Variants in ADGRV1 observed in about 807,000 individuals in gnomAD.
The protein encoded by ADGRV1 is G-protein coupled receptor 98.
A neutral mutation model predicts 596.2 loss-of-function variants in ADGRV1; 359 were observed. The ratio of observed to expected loss-of-function variants is 0.60; its 90% CI spans 0.55 to 0.66. ADGRV1 has a LOEUF of 0.66. ADGRV1 is among the 30% of genes least tolerant of loss of function. The pLI is 0.00. For synonymous variants in ADGRV1, 2,681 were observed against 2,679.2 expected, an observed-to-expected ratio of 1.00 and a Z score of -0.02; for missense variants, 7,274 against 7,575.6, an observed-to-expected ratio of 0.96 and a Z score of 1.48.
Position 90,750,064 on chromosome 5 carries a change from C to CA in ADGRV1, c.10975-486dup, listed in dbSNP as rs547297751. Among the ~76,000 whole-genome samples, 1,057 of 152,222 alleles carry CA rather than the reference C, an allele frequency of 6.9e-3. 9 individuals are homozygous for CA. The highest frequency in any genetic ancestry group is 0.017 in the Middle Eastern group (5 of 294). On this transcript the variant is annotated intron_variant, in intron 52 of 89. Coordinates refer to ENST00000405460, the MANE Select transcript of ADGRV1 (RefSeq NM_032119.4). ...CTCTAATTCTCATGACATCGTTGTG[C>CA]ATGGATGGGATGTTGGAAACCATAT...
intron 85 of ADGRV1, among the ~76,000 whole-genome samples, chr5:91,066,049 G>A (rs1787857844): frequency 6.6e-6 from 1 of 152,178 alleles, no homozygotes; most frequent in Non-Finnish European, 1.5e-5. Context: ...TGGTTGAGCT[G>A]CAATTACAGA....
In ADGRV1 at chr5:91,068,830, C is replaced by A. The variant is rs557652743; in HGVS notation, c.18153-3617C>A. ...AAAAAAAAAAAAATAGCCTGAATAG[C>A]CAAAGAAATCCTAAGCAAAAAGAAC... On this transcript the variant is annotated intron_variant, in intron 85 of 89. Coordinates refer to ENST00000405460, the MANE Select transcript of ADGRV1 (RefSeq NM_032119.4). Among the ~76,000 whole-genome samples the A allele has an allele frequency of 1.8e-4, 28 of 151,886 alleles. No individual in the cohort carries two copies. In the South Asian group the frequency reaches 5.8e-3, roughly 32 times the overall value.
At chr5:90,843,769 A>G (rs1432688560) in intron 78 of ADGRV1, among the ~76,000 whole-genome samples, 3 of 152,202 alleles carry the variant, frequency 2.0e-5, no homozygotes, top group Non-Finnish European at 4.4e-5. Context: ...TGTGATGAGA[A>G]TGTTTATTTC....
intron 50 of ADGRV1, among the ~76,000 whole-genome samples, chr5:90,740,864 TG>T (rs1241443978): frequency 6.6e-6 from 1 of 152,146 alleles, no homozygotes; most frequent in Non-Finnish European, 1.5e-5. Context: ...TGTGCTGGCT[TG>T]GGGGAGGGGC....
chr5:90,690,093 A>G lies in ADGRV1; in HGVS notation c.6706+17A>G, dbSNP rs770729264. 3.6e-6 allele frequency: 5 copies of G among 1,381,938 alleles called. No homozygotes were observed. Among genetic ancestry groups the G allele is most frequent in the Non-Finnish European group, 5.0e-6 (5 of 990,870 alleles). The allele number at this position is 1,381,938 out of a possible 1,614,324, so 85.6% of individuals were successfully genotyped here. A position where few individuals can be genotyped will look rare whatever the true frequency, so the allele number is the denominator to read the frequency against. On this transcript the variant is annotated intron_variant, in intron 30 of 89. Transcript: ENST00000405460. The stretch of plus-strand genomic sequence containing the variant: ...GATTATTTGGTATGAAGACTAATTT[A>G]TGTCTCTCTTTGACTTGTCTGCATG...
Position 90,619,139 on chromosome 5 carries a change from AT to A in ADGRV1, c.413del (p.Leu138TyrfsTer20). Reference protein sequence around the residue: ...GWPRTVTVTILSNDNAFGIIS... With the variant: ...GWPRTVTVTIXSNDNAFGIIS... ...GGCCAAGGACTGTTACTGTGACAAT[AT>A]TATCAAATGACAATGCATTTGGAAT... On this transcript the variant is annotated frameshift_variant, in exon 4 of 90. Coordinates refer to ENST00000405460, the MANE Select transcript of ADGRV1 (RefSeq NM_032119.4). LOFTEE classifies it high-confidence loss of function. 1 of 1,507,202 alleles carries A rather than the reference AT, an allele frequency of 6.6e-7. No homozygotes were observed. Among genetic ancestry groups the A allele is most frequent in the Non-Finnish European group, 8.9e-7 (1 of 1,123,558 alleles). The allele number at this position is 1,507,202 out of a possible 1,614,324, so 93.4% of individuals were successfully genotyped here.
At chr5:90,827,516 A>G (rs1764168649) in intron 76 of ADGRV1, among the ~76,000 whole-genome samples, 1 of 152,162 alleles carries the variant, frequency 6.6e-6, no homozygotes, top group Non-Finnish European at 1.5e-5. Flanking sequence ...AAAAAGGAAT[A>G]TTTTTCTAGA....
At chr5:90,686,051 C>A in intron 29 of ADGRV1, 56 bp downstream of exon 29, 3 of 1,096,080 alleles carry the variant, frequency 2.7e-6, no homozygotes, top group Non-Finnish European at 3.7e-6. Context: ...CACAGAGGGA[C>A]ATGTATCCTT....
In ADGRV1 at chr5:90,596,029, C is replaced by A. The variant is rs368522492; in HGVS notation, c.23-18806C>A. On this transcript the variant is annotated intron_variant, in intron 1 of 89. Coordinates refer to ENST00000405460, the MANE Select transcript of ADGRV1 (RefSeq NM_032119.4). ...CCGGGCGGAGAGGCTCCTCACTTCT[C>A]ATACGGGGTGGCTGCCGGGCGGAGG... 2.3e-4 allele frequency among the ~76,000 whole-genome samples: 34 copies of A among 148,138 alleles called. 1 individual carries two copies. The South Asian group carries it at 7.1e-3, about 31-fold the overall frequency.
At chr5:91,087,211 T>C (rs1789951790) in intron 86 of ADGRV1, among the ~76,000 whole-genome samples, 1 of 152,234 alleles carries the variant, frequency 6.6e-6, no homozygotes, top group Non-Finnish European at 1.5e-5. Context: ...AAATCTCTCT[T>C]ATAATACTTA....
chr5:91,039,011 T>C (rs1785122768), intron 85 of ADGRV1, among the ~76,000 whole-genome samples: 1 of 152,164 alleles, frequency 6.6e-6, no homozygotes, highest in Non-Finnish European at 1.5e-5. Context: ...CTGAGAAAAG[T>C]ATGCTCTTAC....
chr5:90,796,410 A>T (rs1211734659), intron 70 of ADGRV1, among the ~76,000 whole-genome samples: 1 of 151,540 alleles, frequency 6.6e-6, no homozygotes, highest in Non-Finnish European at 1.5e-5. Context: ...AAGTAAAGCA[A>T]GAAGACGAGA....
In ADGRV1 at chr5:90,716,700, A is replaced by G; in HGVS notation, c.9418A>G (p.Ile3140Val). 1.9e-6 allele frequency: 3 copies of G among 1,612,764 alleles called. No individual in the cohort carries two copies. The highest frequency in any genetic ancestry group is 2.5e-6 in the Non-Finnish European group (3 of 1,178,828). The change falls in exon 43 of 90, where the codon ATT becomes GTT. Residue 3140 changes from isoleucine (I) to valine (V), a missense_variant. Physicochemically the swap from Ile to Val is conservative, Grantham distance 29 (BLOSUM62 3). Around this residue, in one of 5 missense-constraint regions of ADGRV1, gnomAD observed 3,643 missense variants for 3,809.2 expected, o/e 0.96. Coordinates refer to ENST00000405460, the MANE Select transcript of ADGRV1 (RefSeq NM_032119.4). ...SKDLTPSKGY[I>V]VLEEGVRFKA... ...AGATCTGACTCCTTCCAAAGGCTAT[A>G]TTGTTTTAGAAGAAGGTGTTCGATT...
intron 11 of ADGRV1, among the ~76,000 whole-genome samples, chr5:90,639,387 A>G (rs962159003): frequency 6.6e-6 from 1 of 152,160 alleles, no homozygotes; most frequent in Non-Finnish European, 1.5e-5. Flanking sequence ...TCTCAACTAA[A>G]TGTTTAAAGA....
chr5:91,077,020 C>T (rs1003658808), intron 86 of ADGRV1, among the ~76,000 whole-genome samples: 1 of 152,160 alleles, frequency 6.6e-6, no homozygotes, highest in Admixed American at 6.5e-5. Flanking sequence ...GCACTTGACA[C>T]TCTCTTTGAA....
chr5:91,122,550 G>T (rs1793416103), intron 87 of ADGRV1, among the ~76,000 whole-genome samples: 1 of 151,968 alleles, frequency 6.6e-6, no homozygotes, highest in Non-Finnish European at 1.5e-5. Flanking sequence ...ACCTCTTTTT[G>T]GGAAAATTAT....
At chr5:90,960,011 C>T (rs1036316885) in intron 83 of ADGRV1, among the ~76,000 whole-genome samples, 6 of 151,904 alleles carry the variant, frequency 3.9e-5, no homozygotes, top group South Asian at 2.1e-4. Context: ...TGGTGGCGGG[C>T]ACCTGTAGTC....
chr5:90,601,387 AC>A (rs981507583), intron 1 of ADGRV1, among the ~76,000 whole-genome samples: 27 of 152,186 alleles, frequency 1.8e-4, no homozygotes, highest in African/African-American at 6.3e-4. Flanking sequence ...CACTTACCAA[AC>A]CTGAGATGCA....
At chr5:90,847,883 G>C (rs111420658) in intron 78 of ADGRV1, among the ~76,000 whole-genome samples, 2 of 152,012 alleles carry the variant, frequency 1.3e-5, no homozygotes, top group Non-Finnish European at 2.9e-5. Flanking sequence ...TTCCCGCCTC[G>C]GCCAGCCCAG....
Sources: gnomAD v4.1 joint callset for allele counts (sites outside exome capture counted in the v4.1 genomes callset) on GRCh38, gnomAD v4.1.1 for gene constraint, gnomAD v4.1.1 regional missense constraint, MANE v1.5 for transcripts, NCBI Gene and HGNC (gene_info 2026-07-23, HGNC 2026-07-21) for gene names.